TAS2R1: variants seen among roughly 807,000 people sequenced by gnomAD.
The protein encoded by TAS2R1 is taste receptor type 2 member 1.
For synonymous variants in TAS2R1, 141 were observed against 134.2 expected (o/e 1.05, Z -0.35); for missense variants, 370 against 353.4 (o/e 1.05, Z -0.38).
chr5:9,824,138 C>T, the TAS2R1 span, among the ~76,000 whole-genome samples: 14 of 152,310 alleles, frequency 9.2e-5, no homozygotes, highest in African/African-American at 1.7e-4. Context: ...GCCTCCTTCC[C>T]GCTCTCCCAC....
At chr5:9,790,345 T>C in the TAS2R1 span, among the ~76,000 whole-genome samples, 1 of 152,222 alleles carries the variant, frequency 6.6e-6, no homozygotes, top group Non-Finnish European at 1.5e-5. Context: ...ATGTAAATTT[T>C]GGAGATAATT....
the TAS2R1 span, among the ~76,000 whole-genome samples, chr5:9,838,430 T>C: frequency 1.1e-4 from 17 of 152,172 alleles, no homozygotes; most frequent in African/African-American, 3.9e-4. Context: ...TCTGAACATC[T>C]GCCCCTCATG....
chr5:9,680,224 T>G (rs944950739), intron 1 of TAS2R1, among the ~76,000 whole-genome samples: 1 of 152,180 alleles, frequency 6.6e-6, no homozygotes, highest in Admixed American at 6.5e-5. Flanking sequence ...TAATAAATAT[T>G]CATGAGGCCG....
the TAS2R1 span, among the ~76,000 whole-genome samples, chr5:9,796,496 G>GAA: frequency 6.6e-6 from 1 of 152,020 alleles, no homozygotes; most frequent in South Asian, 2.1e-4. Context: ...AACTGTCTGG[G>GAA]TTTTAGCACT....
chr5:9,809,762 A>G, the TAS2R1 span, among the ~76,000 whole-genome samples: 3 of 152,068 alleles, frequency 2.0e-5, no homozygotes, highest in African/African-American at 4.8e-5. Flanking sequence ...TGTTCTTTCC[A>G]CCTCTATCCT....
chr5:9,807,225 T>C, the TAS2R1 span, among the ~76,000 whole-genome samples: 3 of 152,260 alleles, frequency 2.0e-5, no homozygotes, highest in African/African-American at 7.2e-5. Context: ...GCTGCAAGAA[T>C]GGCCATATTC....
chr5:9,771,568 A>T, the TAS2R1 span, among the ~76,000 whole-genome samples: 1 of 152,120 alleles, frequency 6.6e-6, no homozygotes, highest in African/African-American at 2.4e-5. Context: ...CTCTTTTTTC[A>T]GAATAGTCTG....
At chr5:9,667,084 G>A (rs898891062) in intron 1 of TAS2R1, among the ~76,000 whole-genome samples, 3 of 152,012 alleles carry the variant, frequency 2.0e-5, no homozygotes, top group Admixed American at 6.6e-5. Flanking sequence ...TCTTGAGTCC[G>A]TTTTTTTCTA....
At chr5:9,732,373 G>A in the TAS2R1 span, among the ~76,000 whole-genome samples, 39 of 152,172 alleles carry the variant, frequency 2.6e-4, no homozygotes, top group Non-Finnish European at 5.3e-4. Flanking sequence ...CTGAGTGAAT[G>A]GGGGAGTCAT....
chr5:9,858,608 T>C, the TAS2R1 span, among the ~76,000 whole-genome samples: 3 of 152,246 alleles, frequency 2.0e-5, no homozygotes, highest in Non-Finnish European at 4.4e-5. Context: ...TGTTTAGTGA[T>C]GCTTTTTATA....
At chr5:9,638,832 C>A (rs1740018061) in intron 2 of TAS2R1, among the ~76,000 whole-genome samples, 1 of 152,022 alleles carries the variant, frequency 6.6e-6, no homozygotes, top group Non-Finnish European at 1.5e-5. Context: ...GGTTCTCAGG[C>A]CAATGGGGAT....
At chr5:9,664,521 C>T (rs1384576451) in intron 1 of TAS2R1, among the ~76,000 whole-genome samples, 1 of 152,174 alleles carries the variant, frequency 6.6e-6, no homozygotes, top group Non-Finnish European at 1.5e-5. Context: ...ATTTTCTTTG[C>T]TCCTGTTCTG....
chr5:9,874,803 A>G, the TAS2R1 span, among the ~76,000 whole-genome samples: 2 of 152,088 alleles, frequency 1.3e-5, no homozygotes, highest in Non-Finnish European at 2.9e-5. Flanking sequence ...TCCTTTTCTC[A>G]GTCAAGAAGA....
chr5:9,674,897 T>C (rs1740841982), intron 1 of TAS2R1, among the ~76,000 whole-genome samples: 1 of 151,876 alleles, frequency 6.6e-6, no homozygotes, highest in Admixed American at 6.6e-5. Flanking sequence ...GTATATGGGC[T>C]GGAAAAGGAA....
At chr5:9,735,639 A>C in the TAS2R1 span, among the ~76,000 whole-genome samples, 1 of 152,068 alleles carries the variant, frequency 6.6e-6, no homozygotes, top group Non-Finnish European at 1.5e-5. Flanking sequence ...CACAGGCCAC[A>C]CCCCCCACCA....
At chr5:9,824,965 C>T in the TAS2R1 span, among the ~76,000 whole-genome samples, 2 of 151,926 alleles carry the variant, frequency 1.3e-5, no homozygotes, top group Admixed American at 1.3e-4. Flanking sequence ...GTGATGAAAA[C>T]CAGACCCTTG....
At chr5:9,667,217 T>C (rs2126499875) in intron 1 of TAS2R1, among the ~76,000 whole-genome samples, 1 of 152,326 alleles carries the variant, frequency 6.6e-6, no homozygotes, top group South Asian at 2.1e-4. Context: ...CACTTCTGCC[T>C]CAACTTGCAG....
rs974441591 is a variant in TAS2R1 at position 9,627,988 on chromosome 5, C to G, written c.*1145G>C. ...TTACTGGTGATTGAAAAATCTAAAC[C>G]TAAACCTGCTTTGCATCATCACGCC... is the stretch of plus-strand genomic sequence containing the variant. On this transcript the variant is annotated 3_prime_UTR_variant, in exon 1 of 1. Coordinates refer to ENST00000382492, the MANE Select transcript of TAS2R1 (RefSeq NM_019599.3). 1.1e-4 allele frequency among the ~76,000 whole-genome samples: 16 copies of G among 152,136 alleles called. No homozygotes were observed. The highest frequency in any genetic ancestry group is 3.4e-4 in the African/African-American group (14 of 41,440).
the TAS2R1 span, among the ~76,000 whole-genome samples, chr5:9,890,480 T>C: frequency 2.0e-5 from 3 of 152,128 alleles, no homozygotes; most frequent in African/African-American, 4.8e-5. Flanking sequence ...TTATCTTTTC[T>C]CCTCCCCAGC....
Sources: gnomAD v4.1 joint callset for allele counts (sites outside exome capture counted in the v4.1 genomes callset) on GRCh38, gnomAD v4.1.1 for gene constraint, MANE v1.5 for transcripts, NCBI Gene and HGNC (gene_info 2026-07-23, HGNC 2026-07-21) for gene names.